Variants in ADAM18 observed in about 807,000 individuals in gnomAD.
The protein encoded by ADAM18 is disintegrin and metalloproteinase domain-containing protein 18.
ADAM18 carries 117 observed loss-of-function variants against 94.4 expected under a neutral mutation model. That is an observed-to-expected ratio of 1.24 (90% CI 1.07 to 1.45). The LOEUF is 1.45. Ranked by LOEUF, ADAM18 falls within the 40% of genes most tolerant of loss-of-function variation. ADAM18 has a pLI of 0.00. For synonymous variants in ADAM18, 327 were observed against 291.6 expected (o/e 1.12, Z -1.24); for missense variants, 936 against 880.0 (o/e 1.06, Z -0.81).
intron 17 of ADAM18, 84 bp downstream of exon 17, chr8:39,692,764 G>A: frequency 9.1e-7 from 1 of 1,098,416 alleles, no homozygotes; most frequent in Non-Finnish European, 1.3e-6. Context: ...GAGAGTCTAG[G>A]TTGACTTGCC....
chr8:39,669,171 C>T (rs1821079279), intron 14 of ADAM18, among the ~76,000 whole-genome samples: 1 of 151,234 alleles, frequency 6.6e-6, no homozygotes, highest in Admixed American at 6.6e-5. Context: ...CTGTAAGGTT[C>T]ATTAAGTAGC....
intron 10 of ADAM18, among the ~76,000 whole-genome samples, chr8:39,641,649 T>C (rs992574537): frequency 6.6e-6 from 1 of 152,062 alleles, no homozygotes; most frequent in Non-Finnish European, 1.5e-5. Context: ...GGTTTTCTGT[T>C]CCTGTGTTAG....
rs768922590 is a variant in ADAM18, at chr8:39,637,710, A to G, written c.827+7A>G. The G allele has an allele frequency of 1.9e-6, 3 of 1,576,150 alleles. No individual in the cohort carries two copies. The highest frequency in any genetic ancestry group is 2.6e-6 in the Non-Finnish European group (3 of 1,162,936). On this transcript the variant is annotated splice_region_variant and intron_variant, in intron 9 of 19. Coordinates refer to ENST00000265707, the MANE Select transcript of ADAM18 (RefSeq NM_014237.3). ...ACATAGCATACTTACTTGTGTAAGC[A>G]CAATGTTCTACATTAATAAAGATAT...
At chr8:39,708,660 A>T (rs754343993) in intron 18 of ADAM18, among the ~76,000 whole-genome samples, 1 of 152,240 alleles carries the variant, frequency 6.6e-6, no homozygotes, top group African/African-American at 2.4e-5. Context: ...CACAACCTGC[A>T]GTTCTCAACT....
At chr8:39,684,367 T>A (rs1011192181) in intron 16 of ADAM18, among the ~76,000 whole-genome samples, 11 of 152,198 alleles carry the variant, frequency 7.2e-5, no homozygotes, top group African/African-American at 2.7e-4. Flanking sequence ...TTTAAGTATA[T>A]AATACATTAT....
rs531872623 is a variant in ADAM18, at chr8:39,613,187, G to A, written c.522+2481G>A. 3.3e-5 allele frequency among the ~76,000 whole-genome samples: 5 copies of A among 152,300 alleles called. No homozygotes were observed. In the East Asian group the frequency reaches 7.7e-4, roughly 24 times the overall value. ...GTCTGCATGCAGGAGTGCAGACCCT[G>A]CTGCCATCACCCTGACAGAGCACTT... is the stretch of plus-strand genomic sequence containing the variant. On this transcript the variant is annotated intron_variant, in intron 6 of 19. Coordinates refer to ENST00000265707, the MANE Select transcript of ADAM18 (RefSeq NM_014237.3).
At chr8:39,618,257 G>A (rs926822874) in intron 6 of ADAM18, among the ~76,000 whole-genome samples, 1 of 152,098 alleles carries the variant, frequency 6.6e-6, no homozygotes, top group Admixed American at 6.5e-5. Context: ...GGTCCAGGGG[G>A]GTCACCGCCT....
chr8:39,601,117 C>T (rs1387067068), intron 2 of ADAM18, among the ~76,000 whole-genome samples: 2 of 152,100 alleles, frequency 1.3e-5, no homozygotes, highest in Non-Finnish European at 2.9e-5. Flanking sequence ...TTTAAACAAC[C>T]AAATCTCGCG....
At chr8:39,640,427 C>G (rs905750337) in intron 10 of ADAM18, among the ~76,000 whole-genome samples, 7 of 152,006 alleles carry the variant, frequency 4.6e-5, no homozygotes, top group African/African-American at 1.7e-4. Context: ...TCCAGTCTAT[C>G]TTGGTGGCCA....
intron 7 of ADAM18, among the ~76,000 whole-genome samples, chr8:39,629,877 T>G (rs1481067155): frequency 1.3e-5 from 2 of 152,038 alleles, no homozygotes; most frequent in African/African-American, 4.8e-5. Flanking sequence ...TAGCCTAGAA[T>G]GCCCTACACT....
At chr8:39,714,724 C>G (rs1330107674) in intron 18 of ADAM18, among the ~76,000 whole-genome samples, 4 of 152,040 alleles carry the variant, frequency 2.6e-5, no homozygotes, top group African/African-American at 7.2e-5. Flanking sequence ...TGTAGAAAAT[C>G]AGTAAGTATA....
At chr8:39,724,539 T>C (rs1350229775) in intron 19 of ADAM18, among the ~76,000 whole-genome samples, 3 of 151,872 alleles carry the variant, frequency 2.0e-5, no homozygotes, top group Non-Finnish European at 4.4e-5. Flanking sequence ...TTTTTGCTAG[T>C]GTTATTCAGT....
chr8:39,650,662 C>T (rs1820507167), intron 12 of ADAM18, among the ~76,000 whole-genome samples: 1 of 152,082 alleles, frequency 6.6e-6, no homozygotes, highest in Admixed American at 6.6e-5. Context: ...AAAGATAAAC[C>T]ATGTTCAAGA....
intron 17 of ADAM18, among the ~76,000 whole-genome samples, chr8:39,696,349 T>A (rs1017465909): frequency 7.3e-5 from 11 of 151,532 alleles, no homozygotes; most frequent in African/African-American, 2.7e-4. Flanking sequence ...ACTGTCTTGA[T>A]AATATGTTTT....
intron 17 of ADAM18, among the ~76,000 whole-genome samples, chr8:39,694,015 G>A (rs1049287303): frequency 6.6e-6 from 1 of 150,964 alleles, no homozygotes; most frequent in Non-Finnish European, 1.5e-5. Context: ...TTTTATTAAT[G>A]ATATACTTTT....
chr8:39,678,061 A>G (rs1049456003), intron 15 of ADAM18, among the ~76,000 whole-genome samples: 1 of 152,212 alleles, frequency 6.6e-6, no homozygotes, highest in Admixed American at 6.5e-5. Context: ...TAATAAAGGA[A>G]GTGCCTACCC....
At chr8:39,649,464 C>T (rs1473738781) in intron 12 of ADAM18, among the ~76,000 whole-genome samples, 1 of 152,100 alleles carries the variant, frequency 6.6e-6, no homozygotes, top group African/African-American at 2.4e-5. Context: ...GCTCATCTTG[C>T]AGTCTCCTAC....
At chr8:39,615,633 T>A (rs569855016) in intron 6 of ADAM18, among the ~76,000 whole-genome samples, 1 of 152,058 alleles carries the variant, frequency 6.6e-6, no homozygotes, top group Admixed American at 6.6e-5. Context: ...CTGGAAGCAT[T>A]CCTCTTAAGA....
At chr8:39,710,585 A>G (rs1157023371) in intron 18 of ADAM18, among the ~76,000 whole-genome samples, 2 of 152,202 alleles carry the variant, frequency 1.3e-5, no homozygotes. Flanking sequence ...CTGATTTCTT[A>G]CCTTAGACTA....
Sources: allele counts gnomAD v4.1 joint callset (sites outside exome capture counted in the v4.1 genomes callset), GRCh38; gene constraint gnomAD v4.1.1; transcripts MANE v1.5; gene names NCBI Gene and HGNC (gene_info 2026-07-23, HGNC 2026-07-21).